The following CDYL variants were observed in gnomAD, a reference collection of about 807,000 sequenced individuals.
CDYL encodes chromodomain Y like.
Under a neutral mutation model 47.3 loss-of-function variants are expected in CDYL, and 8 were observed. The observed-to-expected ratio is 0.17, with a 90% CI of 0.10 to 0.31. The LOEUF (loss-of-function observed/expected upper bound fraction) is 0.31, where lower values mean the gene tolerates loss of function less well. Among genes scored for constraint, CDYL ranks in the 10% least tolerant of loss-of-function variants. The pLI is 1.00. For missense variants in CDYL, 471 were observed against 701.4 expected, an observed-to-expected ratio of 0.67 and a Z score of 3.71; for synonymous variants, 266 against 265.0, an observed-to-expected ratio of 1.00 and a Z score of -0.04.
At chr6:4,914,692 A>G (rs1236311502) in intron 2 of CDYL, among the ~76,000 whole-genome samples, 4 of 152,148 alleles carry the variant, frequency 2.6e-5, no homozygotes, top group Admixed American at 6.5e-5. Context: ...GCTGGTTTTC[A>G]TTTGACTTTG....
intron 1 of CDYL, among the ~76,000 whole-genome samples, chr6:4,843,086 C>A (rs561927212): frequency 6.6e-6 from 1 of 152,084 alleles, no homozygotes; most frequent in Non-Finnish European, 1.5e-5. Context: ...ATATAAAATT[C>A]TTGGCTTATA....
chr6:4,762,641 GT>G (rs1758192480), intron 3 of CDYL, among the ~76,000 whole-genome samples: 1 of 62,564 alleles, frequency 1.6e-5, no homozygotes, highest in Non-Finnish European at 3.0e-5. Flanking sequence ...AGATTAAAGG[GT>G]ACCAAAAAAA....
At chr6:4,881,250 C>T (rs1761753540) in intron 1 of CDYL, among the ~76,000 whole-genome samples, 1 of 151,976 alleles carries the variant, frequency 6.6e-6, no homozygotes, top group African/African-American at 2.4e-5. Context: ...TTCCTCTTTT[C>T]CACTTTCTTT....
chr6:4,726,396 G>C (rs1336845131), intron 2 of CDYL, among the ~76,000 whole-genome samples: 2 of 151,988 alleles, frequency 1.3e-5, no homozygotes, highest in African/African-American at 4.8e-5. Context: ...TTAGCCAGGC[G>C]TGGTACGCAC....
chr6:4,832,945 C>T lies in CDYL; in HGVS notation c.24+56138C>T, dbSNP rs1334480261. On this transcript the variant is annotated intron_variant, in intron 1 of 6. Coordinates refer to ENST00000397588, the MANE Select transcript of CDYL (RefSeq NM_004824.4). ...ATATCCCCTTTATCATTTTTTATTG[C>T]GTCTATTTGATTCTTCTTTTTTTCT... 2.2e-3 allele frequency among the ~76,000 whole-genome samples: 336 copies of T among 151,386 alleles called. 1 individual carries two copies. The highest frequency in any genetic ancestry group is 7.3e-3 in the African/African-American group (301 of 41,184).
At chr6:4,897,140 G>A (rs1762307937) in intron 2 of CDYL, among the ~76,000 whole-genome samples, 1 of 152,158 alleles carries the variant, frequency 6.6e-6, no homozygotes. Context: ...AGAAGTAATT[G>A]CTTTTAAAAA....
At chr6:4,920,450 T>C (rs1404694484) in intron 2 of CDYL, among the ~76,000 whole-genome samples, 1 of 152,182 alleles carries the variant, frequency 6.6e-6, no homozygotes, top group East Asian at 1.9e-4. Context: ...ACAAAGTCCA[T>C]AGGTGTCCCC....
chr6:4,794,121 G>T (rs1261255277), intron 1 of CDYL, among the ~76,000 whole-genome samples: 1 of 152,100 alleles, frequency 6.6e-6, no homozygotes, highest in African/African-American at 2.4e-5. Flanking sequence ...CATCCAGGAG[G>T]TAAGCATAAG....
chr6:4,761,961 C>T (rs9504236), intron 3 of CDYL, among the ~76,000 whole-genome samples: 16,379 of 152,178 alleles, frequency 0.11, 971 homozygotes, highest in South Asian at 0.14. Flanking sequence ...TTTAAAAACA[C>T]TGAGCTAGGG....
intron 1 of CDYL, among the ~76,000 whole-genome samples, chr6:4,863,191 A>C (rs1014135940): frequency 6.6e-6 from 1 of 152,104 alleles, no homozygotes; most frequent in African/African-American, 2.4e-5. Context: ...AACACTGGGG[A>C]CTCCAAAAAG....
At chr6:4,931,740 C>T (rs1030306637) in intron 2 of CDYL, among the ~76,000 whole-genome samples, 2 of 152,038 alleles carry the variant, frequency 1.3e-5, no homozygotes, top group African/African-American at 2.4e-5. Flanking sequence ...GGGGTGTGGT[C>T]GCTGAAGCTC....
At position 4,793,250 on chromosome 6, in the gene CDYL, T is replaced by TA. The variant is rs1758978060; in HGVS notation, c.24+16444dup. Among the ~76,000 whole-genome samples the TA allele has an allele frequency of 3.3e-5, 5 of 152,206 alleles. 1 individual carries two copies. In the South Asian group the frequency reaches 1.0e-3, roughly 32 times the overall value. On this transcript the variant is annotated intron_variant, in intron 1 of 6. Coordinates refer to ENST00000397588, the MANE Select transcript of CDYL (RefSeq NM_004824.4). ...GGATTAATCTGTGGCACTGGAGATA[T>TA]AGCAGCGGGCATGACCGCTCAGCCA...
At chr6:4,769,820 G>A (rs180812092) in intron 3 of CDYL, among the ~76,000 whole-genome samples, 11 of 152,142 alleles carry the variant, frequency 7.2e-5, no homozygotes, top group East Asian at 1.9e-4. Context: ...TTTTTGAGAC[G>A]GAGTCTCGCT....
chr6:4,835,988 T>G (rs1349418071), intron 1 of CDYL: 1 of 152,770 alleles, frequency 6.5e-6, no homozygotes, highest in Non-Finnish European at 1.5e-5. Context: ...TGTCACCCCT[T>G]TCTTTGACTA....
intron 5 of CDYL, among the ~76,000 whole-genome samples, chr6:4,950,909 G>A (rs1286821994): frequency 2.0e-5 from 3 of 148,486 alleles, no homozygotes; most frequent in Non-Finnish European, 4.4e-5. Flanking sequence ...TCCAGCCTGG[G>A]CGACAGAAGG....
intron 1 of CDYL, among the ~76,000 whole-genome samples, chr6:4,865,733 T>C (rs1428840034): frequency 6.6e-6 from 1 of 152,202 alleles, no homozygotes; most frequent in Non-Finnish European, 1.5e-5. Flanking sequence ...AGTGATAAAA[T>C]GTATAGTTCT....
chr6:4,749,834 T>C (rs1266260499), intron 3 of CDYL, among the ~76,000 whole-genome samples: 2 of 152,176 alleles, frequency 1.3e-5, no homozygotes, highest in African/African-American at 4.8e-5. Flanking sequence ...TTTTCTAAAG[T>C]GGGTCCCCTT....
rs57354244 is a variant in CDYL at position 4,895,478 on chromosome 6, T to C, written c.691+3099T>C. Among the ~76,000 whole-genome samples the C allele has an allele frequency of 3.9e-5, 5 of 127,924 alleles. 1 individual carries two copies. Among genetic ancestry groups the C allele is most frequent in the African/African-American group, 1.5e-4 (5 of 33,750 alleles). The allele number at this position is 127,924 out of a possible 152,430, so 83.9% of individuals were successfully genotyped here. A position where few individuals can be genotyped will look rare whatever the true frequency, so the allele number is the denominator to read the frequency against. ...ATACATGTATACATATATACGTATA[T>C]ATGTATATATACATGTATACATATA... On this transcript the variant is annotated intron_variant, in intron 2 of 6. Transcript: ENST00000397588.
intron 5 of CDYL, 33 bp downstream of exon 5, chr6:4,943,789 T>G (rs567567084): frequency 1.2e-6 from 1 of 841,588 alleles, no homozygotes; most frequent in Non-Finnish European, 1.8e-6. Flanking sequence ...AAAAAAAAAG[T>G]CATTCTAGAA....
Sources: allele counts gnomAD v4.1 joint callset (sites outside exome capture counted in the v4.1 genomes callset), GRCh38; gene constraint gnomAD v4.1.1; transcripts MANE v1.5; gene names NCBI Gene and HGNC (gene_info 2026-07-23, HGNC 2026-07-21).